CDH13: variants seen among roughly 807,000 people sequenced by gnomAD.
CDH13 encodes cadherin 13.
In CDH13, 24 loss-of-function variants were observed where a neutral mutation model predicts 63.8. The observed-to-expected ratio is 0.38, with a 90% CI of 0.27 to 0.53. The LOEUF (loss-of-function observed/expected upper bound fraction) is 0.53, where lower values mean the gene tolerates loss of function less well. CDH13 is among the 20% of genes least tolerant of loss of function. The pLI, the probability that CDH13 is intolerant of heterozygous loss-of-function variation, is 0.85. For synonymous variants in CDH13, 503 were observed against 355.3 expected (o/e 1.42, Z -4.67); for missense variants, 1,049 against 903.1 (o/e 1.16, Z -2.07).
intron 6 of CDH13, among the ~76,000 whole-genome samples, chr16:83,359,708 T>C (rs1395534502): frequency 6.6e-6 from 1 of 152,204 alleles, no homozygotes; most frequent in Non-Finnish European, 1.5e-5. Context: ...CTCTCCAAAT[T>C]TTAAATATTT....
At chr16:82,815,481 A>G (rs984208609) in intron 1 of CDH13, among the ~76,000 whole-genome samples, 6 of 152,168 alleles carry the variant, frequency 3.9e-5, no homozygotes, top group African/African-American at 1.4e-4. Context: ...GGTGCTCAGA[A>G]CAATGCGTGG....
intron 1 of CDH13, among the ~76,000 whole-genome samples, chr16:82,774,985 A>C (rs1378799809): frequency 6.6e-6 from 1 of 152,206 alleles, no homozygotes; most frequent in Non-Finnish European, 1.5e-5. Flanking sequence ...CCTGCAGCCC[A>C]GGAGCAAGAT....
Position 83,650,960 on chromosome 16 carries a change from G to C in CDH13, c.1102-19830G>C, listed in dbSNP as rs113128341. ...TTTTAAAAATTTAAATATATATATAGTGTGGTGTCACATGCCTGCAGTCCC... is the reference window on the plus strand; with the variant it reads ...TTTTAAAAATTTAAATATATATATACTGTGGTGTCACATGCCTGCAGTCCC... On this transcript the variant is annotated intron_variant, in intron 8 of 13. Transcript: ENST00000567109. Among the ~76,000 whole-genome samples the C allele has an allele frequency of 4.7e-3, 713 of 151,488 alleles. 8 individuals carry two copies. The highest frequency in any genetic ancestry group is 0.016 in the African/African-American group (682 of 41,392).
chr16:82,771,771 G>A (rs2035277716), intron 1 of CDH13, among the ~76,000 whole-genome samples: 1 of 152,244 alleles, frequency 6.6e-6, no homozygotes, highest in Admixed American at 6.5e-5. Flanking sequence ...GTATAGGGAA[G>A]TGGGAACTGA....
intron 4 of CDH13, among the ~76,000 whole-genome samples, chr16:83,201,048 A>G (rs753191716): frequency 6.6e-6 from 1 of 151,818 alleles, no homozygotes; most frequent in Non-Finnish European, 1.5e-5. Context: ...TTGGAACTCA[A>G]GCCCAAGAAG....
At chr16:83,597,684 T>A (rs961402327) in intron 7 of CDH13, among the ~76,000 whole-genome samples, 5 of 152,348 alleles carry the variant, frequency 3.3e-5, no homozygotes, top group Middle Eastern at 3.4e-3. Context: ...TGAAACCTCA[T>A]CACAAACTTT....
chr16:83,035,012 C>T (rs1329910240), intron 3 of CDH13, among the ~76,000 whole-genome samples: 15 of 151,776 alleles, frequency 9.9e-5, no homozygotes, highest in African/African-American at 3.4e-4. Context: ...TCATCTCCCA[C>T]GTCCAGTAAT....
chr16:83,621,822 T>C (rs548726273), intron 8 of CDH13, among the ~76,000 whole-genome samples: 1 of 152,120 alleles, frequency 6.6e-6, no homozygotes, highest in South Asian at 2.1e-4. Flanking sequence ...CAGGACAATG[T>C]TTTGTGCAAG....
In CDH13 at chr16:83,475,856, A is replaced by G. The variant is rs1034287808; in HGVS notation, c.782-10621A>G. Among the ~76,000 whole-genome samples, 13 of 152,154 alleles carry G rather than the reference A, an allele frequency of 8.5e-5. 1 individual carries two copies. Among genetic ancestry groups the G allele is most frequent in the African/African-American group, 2.9e-4 (12 of 41,440 alleles). On this transcript the variant is annotated intron_variant, in intron 6 of 13. Transcript: ENST00000567109. ...CACCTCGGCCTCCCAAAGTGATGGG[A>G]TTACAGGCATGAGCCACCATGCCTG...
intron 10 of CDH13, among the ~76,000 whole-genome samples, chr16:83,743,187 G>A (rs1161746975): frequency 6.6e-5 from 10 of 152,130 alleles, no homozygotes; most frequent in Admixed American, 2.0e-4. Flanking sequence ...CAGCCTGGGC[G>A]ACAGAGCAAG....
intron 2 of CDH13, among the ~76,000 whole-genome samples, chr16:82,915,326 GGT>G (rs1651909431): frequency 6.6e-6 from 1 of 152,158 alleles, no homozygotes; most frequent in African/African-American, 2.4e-5. Context: ...TTGTGACAGT[GGT>G]TCTCTGGGTA....
intron 1 of CDH13, among the ~76,000 whole-genome samples, chr16:82,848,798 G>A (rs1003115926): frequency 6.6e-6 from 1 of 152,190 alleles, no homozygotes; most frequent in African/African-American, 2.4e-5. Context: ...AGAGAAAGGA[G>A]GAGTTGCATG....
intron 3 of CDH13, among the ~76,000 whole-genome samples, chr16:83,032,989 A>C (rs1916509844): frequency 1.3e-5 from 2 of 152,164 alleles, no homozygotes; most frequent in Admixed American, 6.5e-5. Context: ...ACATGTATAT[A>C]TTACATGCAC....
At chr16:83,079,115 G>C (rs1302410932) in intron 3 of CDH13, among the ~76,000 whole-genome samples, 1 of 152,136 alleles carries the variant, frequency 6.6e-6, no homozygotes, top group Non-Finnish European at 1.5e-5. Context: ...ATGCATTGAA[G>C]TTCACACTCC....
At chr16:83,212,378 A>T (rs1277685614) in intron 4 of CDH13, among the ~76,000 whole-genome samples, 1 of 152,128 alleles carries the variant, frequency 6.6e-6, no homozygotes, top group Non-Finnish European at 1.5e-5. Flanking sequence ...CTGGATCTAA[A>T]CTAAGCCAAG....
At chr16:83,007,286 C>T (rs867885524) in intron 2 of CDH13, among the ~76,000 whole-genome samples, 8 of 152,216 alleles carry the variant, frequency 5.3e-5, no homozygotes, top group South Asian at 4.2e-4. Context: ...TGCTAGGCAC[C>T]GTGACAGGTG....
intron 5 of CDH13, among the ~76,000 whole-genome samples, chr16:83,308,792 C>T (rs1319099199): frequency 6.6e-6 from 1 of 152,182 alleles, no homozygotes; most frequent in East Asian, 1.9e-4. Flanking sequence ...ACCCTGGAAA[C>T]ATATGCCCAA....
intron 5 of CDH13, among the ~76,000 whole-genome samples, chr16:83,251,628 C>A (rs994552293): frequency 1.3e-5 from 2 of 152,234 alleles, no homozygotes; most frequent in African/African-American, 4.8e-5. Context: ...GAAGGCACAT[C>A]ACCTGTCTCT....
chr16:83,270,351 G>A (rs2088764560), intron 5 of CDH13, among the ~76,000 whole-genome samples: 1 of 152,186 alleles, frequency 6.6e-6, no homozygotes, highest in Non-Finnish European at 1.5e-5. Flanking sequence ...AGTCTGGGAT[G>A]TGGCTGTGTT....
Sources: gnomAD v4.1 joint callset for allele counts (sites outside exome capture counted in the v4.1 genomes callset) on GRCh38, gnomAD v4.1.1 for gene constraint, MANE v1.5 for transcripts, NCBI Gene and HGNC (gene_info 2026-07-23, HGNC 2026-07-21) for gene names.